CEP63: variants seen among roughly 807,000 people sequenced by gnomAD.
CEP63 encodes the protein centrosomal protein 63.
A neutral mutation model predicts 89.1 loss-of-function variants in CEP63; 84 were observed. The observed-to-expected ratio is 0.94, with a 90% confidence interval of 0.79 to 1.13. The LOEUF (loss-of-function observed/expected upper bound fraction) is 1.13, where lower values mean the gene tolerates loss of function less well. Among genes scored for constraint, CEP63 ranks in the 50% most tolerant of loss-of-function variants. The pLI is 0.00. For synonymous variants in CEP63, 267 were observed against 272.5 expected (o/e 0.98, Z 0.20); for missense variants, 838 against 813.3 (o/e 1.03, Z -0.37).
the CEP63 span, among the ~76,000 whole-genome samples, chr3:134,703,573 G>A: frequency 0.011 from 1,618 of 152,186 alleles, 19 homozygotes; most frequent in Non-Finnish European, 0.019. Flanking sequence ...GGAGCTGAGT[G>A]ATGAGATGCA....
chr3:134,545,545 C>T (rs577789709), intron 6 of CEP63, 41 bp from the exon 7 acceptor site: 1 of 1,364,606 alleles, frequency 7.3e-7, no homozygotes, highest in Admixed American at 1.7e-5. Context: ...ATTATTTTAT[C>T]ATTTCCCTTT....
intron 3 of CEP63, among the ~76,000 whole-genome samples, chr3:134,517,699 C>G (rs1192596575): frequency 6.6e-6 from 1 of 152,104 alleles, no homozygotes; most frequent in Non-Finnish European, 1.5e-5. Context: ...ACATGAAGTT[C>G]TGAATAATTC....
At chr3:134,762,204 A>G in the CEP63 span, among the ~76,000 whole-genome samples, 3 of 152,166 alleles carry the variant, frequency 2.0e-5, no homozygotes, top group Non-Finnish European at 4.4e-5. Flanking sequence ...AGTCAGCCGA[A>G]AGGTAGTCAG....
In CEP63 at chr3:134,488,801, C is replaced by T. The variant is rs181651658; in HGVS notation, c.-26+2599C>T. On this transcript the variant is annotated intron_variant, in intron 1 of 14. Transcript: ENST00000675561. Reference sequence around the variant, plus strand: ...ACCAGTAGTTAGATGTAGAATTGCACTGTCCGGTATTGTAGCCACCAGCCA... The same window carrying T: ...ACCAGTAGTTAGATGTAGAATTGCATTGTCCGGTATTGTAGCCACCAGCCA... Among the ~76,000 whole-genome samples the T allele has an allele frequency of 3.0e-3, 462 of 152,260 alleles. 1 individual carries two copies. The highest frequency in any genetic ancestry group is 0.011 in the African/African-American group (437 of 41,532).
chr3:134,611,742 G>A, the CEP63 span, among the ~76,000 whole-genome samples: 1 of 152,196 alleles, frequency 6.6e-6, no homozygotes, highest in Non-Finnish European at 1.5e-5. Context: ...CTGTTTCAGT[G>A]AGATGGGCCC....
chr3:134,661,009 G>T, the CEP63 span, among the ~76,000 whole-genome samples: 4 of 152,248 alleles, frequency 2.6e-5, 1 homozygote, highest in African/African-American at 9.6e-5. Context: ...GGTAGCACAC[G>T]GGACTGGCTG....
the CEP63 span, chr3:134,643,480 G>A: frequency 1.1e-6 from 1 of 895,900 alleles, no homozygotes; most frequent in Non-Finnish European, 1.8e-6. Context: ...GCTGGCGGGG[G>A]CCAAGCACAT....
At chr3:134,552,617 G>A (rs868530541) in intron 12 of CEP63, 1 of 152,000 alleles carries the variant, frequency 6.6e-6, no homozygotes, top group South Asian at 2.1e-4. Flanking sequence ...CTGACACTTA[G>A]TAAGTATGCA....
intron 1 of CEP63, among the ~76,000 whole-genome samples, chr3:134,489,913 T>C (rs972048341): frequency 6.6e-6 from 1 of 152,190 alleles, no homozygotes. Flanking sequence ...AATACTCAAA[T>C]TGTTTCATCT....
chr3:134,490,785 A>C (rs1937350273), intron 1 of CEP63, among the ~76,000 whole-genome samples: 1 of 151,818 alleles, frequency 6.6e-6, no homozygotes, highest in Non-Finnish European at 1.5e-5. Flanking sequence ...ACCTAAAAGC[A>C]AATCTACATG....
chr3:134,562,295 AC>A lies in CEP63; in HGVS notation c.*762del. On this transcript the variant is annotated 3_prime_UTR_variant, in exon 15 of 15. Transcript: ENST00000675561. ...GAAACGATGGGAGTTGATAAGATCCACCAGGGAGGCTGTGGAGAGAGAGAGG... is the reference window on the plus strand; with the variant it reads ...GAAACGATGGGAGTTGATAAGATCCACAGGGAGGCTGTGGAGAGAGAGAGG... 1 of 890,564 alleles carries A rather than the reference AC, an allele frequency of 1.1e-6. No individual in the cohort carries two copies. The highest frequency in any genetic ancestry group is 1.3e-6 in the Non-Finnish European group (1 of 743,006). 55.2% of individuals were successfully genotyped at this position (890,564 alleles called of 1,614,324 possible). A position where few individuals can be genotyped will look rare whatever the true frequency, so the allele number is the denominator to read the frequency against.
chr3:134,527,940 A>G (rs532558033), intron 3 of CEP63, among the ~76,000 whole-genome samples: 1 of 152,238 alleles, frequency 6.6e-6, no homozygotes, highest in Admixed American at 6.5e-5. Flanking sequence ...GGGGATGGCT[A>G]TCCCTGGCCA....
the CEP63 span, among the ~76,000 whole-genome samples, chr3:134,726,277 T>C: frequency 6.6e-6 from 1 of 152,146 alleles, no homozygotes; most frequent in Non-Finnish European, 1.5e-5. Flanking sequence ...GCCTCAGGCC[T>C]TTCAAAACCT....
At chr3:134,701,432 G>A in the CEP63 span, among the ~76,000 whole-genome samples, 3 of 134,034 alleles carry the variant, frequency 2.2e-5, no homozygotes, top group Non-Finnish European at 3.2e-5. Context: ...ACGTATATAT[G>A]TGTATATATA....
chr3:134,503,652 T>A (rs932113958), intron 2 of CEP63, among the ~76,000 whole-genome samples: 1 of 152,138 alleles, frequency 6.6e-6, no homozygotes, highest in Non-Finnish European at 1.5e-5. Flanking sequence ...TCTCTTTAGC[T>A]CTAATAATAT....
At chr3:134,509,781 A>G (rs1944402073) in intron 3 of CEP63, among the ~76,000 whole-genome samples, 1 of 152,222 alleles carries the variant, frequency 6.6e-6, no homozygotes, top group South Asian at 2.1e-4. Context: ...AGCTTTTTGT[A>G]TGTCAATCAT....
chr3:134,506,673 C>T (rs1188128854), intron 2 of CEP63, among the ~76,000 whole-genome samples: 1 of 152,086 alleles, frequency 6.6e-6, no homozygotes, highest in Non-Finnish European at 1.5e-5. Context: ...AATCCCAGCA[C>T]TTTGGGAGGC....
the CEP63 span, among the ~76,000 whole-genome samples, chr3:134,685,260 G>A: frequency 6.6e-6 from 1 of 152,044 alleles, no homozygotes; most frequent in Non-Finnish European, 1.5e-5. Flanking sequence ...AAGCAATGAT[G>A]AAAATAATTA....
chr3:134,528,337 C>T (rs1294678941), intron 3 of CEP63, among the ~76,000 whole-genome samples: 2 of 152,158 alleles, frequency 1.3e-5, no homozygotes, highest in Admixed American at 6.5e-5. Flanking sequence ...GCCATCTTGC[C>T]CTCCCCCTGG....
Sources: gnomAD v4.1 joint callset for allele counts (sites outside exome capture counted in the v4.1 genomes callset) on GRCh38, gnomAD v4.1.1 for gene constraint, MANE v1.5 for transcripts, NCBI Gene and HGNC (gene_info 2026-07-23, HGNC 2026-07-21) for gene names.